GLB1L3: variants seen among roughly 807,000 people sequenced by gnomAD.
GLB1L3 encodes the protein beta-galactosidase-1-like protein 3.
Under a neutral mutation model 89.5 loss-of-function variants are expected in GLB1L3, and 89 were observed. The ratio of observed to expected loss-of-function variants is 0.99; its 90% CI spans 0.84 to 1.19. GLB1L3 has a LOEUF of 1.19. Among genes scored for constraint, GLB1L3 ranks in the 50% most tolerant of loss-of-function variants. The probability of loss-of-function intolerance (pLI) is 0.00; values close to 1 mark genes in which losing one functional copy is unlikely to be tolerated. For missense variants in GLB1L3, 812 were observed against 813.3 expected (o/e 1.00, Z 0.02); for synonymous variants, 314 against 312.3 (o/e 1.01, Z -0.06).
intron 3 of GLB1L3, among the ~76,000 whole-genome samples, chr11:134,280,698 T>A (rs982535976): frequency 2.0e-5 from 3 of 152,132 alleles, no homozygotes; most frequent in Non-Finnish European, 4.4e-5. Flanking sequence ...GATTAGTATG[T>A]CTTCTTGGTG....
Position 134,276,778 on chromosome 11 carries a change from C to A in GLB1L3, c.23+15C>A. 7.0e-7 allele frequency: 1 copy of A among 1,436,262 alleles called. No homozygotes were observed. The highest frequency in any genetic ancestry group is 2.2e-4 in the Middle Eastern group (1 of 4,618). 89.0% of individuals were successfully genotyped at this position (1,436,262 alleles called of 1,614,324 possible). A position where few individuals can be genotyped will look rare whatever the true frequency, so the allele number is the denominator to read the frequency against. ...CCCCTCCTCAGGTGACGGATCGCCG[C>A]TGCCGTCCCGGGCTGCCCACCACCC... is the stretch of plus-strand genomic sequence containing the variant. On this transcript the variant is annotated intron_variant, in intron 1 of 19. Transcript: ENST00000431683.
chr11:134,275,894 A>C (rs1940351978), upstream of GLB1L3: 1 of 152,198 alleles, frequency 6.6e-6, no homozygotes, highest in African/African-American at 2.4e-5. Context: ...CGTTACCACC[A>C]CGAGCGCCTA....
intron 9 of GLB1L3, 65 bp from the exon 10 acceptor site, chr11:134,307,059 C>A: frequency 1.7e-6 from 2 of 1,162,602 alleles, no homozygotes; most frequent in Non-Finnish European, 1.3e-6. Flanking sequence ...CTATTGCATT[C>A]AGGTTTTCTG....
intron 4 of GLB1L3, 93 bp from the exon 5 acceptor site, chr11:134,281,932 C>T (rs923133489): frequency 9.5e-7 from 1 of 1,047,544 alleles, no homozygotes; most frequent in Non-Finnish European, 1.4e-6. Flanking sequence ...CTTCGCCCCA[C>T]CAGGCAGCTC....
chr11:134,316,745 A>G (rs941318878), intron 18 of GLB1L3: 1 of 152,228 alleles, frequency 6.6e-6, no homozygotes, highest in African/African-American at 2.4e-5. Context: ...GCTAGGAATT[A>G]TAAAATACCT....
chr11:134,290,574 C>A (rs565317450), intron 7 of GLB1L3, among the ~76,000 whole-genome samples: 1 of 111,520 alleles, frequency 9.0e-6, no homozygotes, highest in East Asian at 2.1e-4. Flanking sequence ...CTCGTCCCCC[C>A]CCGCCAAAAA....
rs1303390930 is a variant in GLB1L3, at chr11:134,318,955, A to AC, written c.*14dup. ...GCCCACGCTGTAAAACTGTGTCTGAACATTTTTTTTTTTTTTTGAGATGGA... is the reference window on the plus strand; with the variant it reads ...GCCCACGCTGTAAAACTGTGTCTGAACCATTTTTTTTTTTTTTTGAGATGGA... On this transcript the variant is annotated 3_prime_UTR_variant, in exon 20 of 20. Coordinates refer to ENST00000431683, the MANE Select transcript of GLB1L3 (RefSeq NM_001080407.3). 1.3e-6 allele frequency: 2 copies of AC among 1,518,398 alleles called. No individual in the cohort carries two copies. The highest frequency in any genetic ancestry group is 1.8e-6 in the Non-Finnish European group (2 of 1,139,016). 94.1% of individuals were successfully genotyped at this position (1,518,398 alleles called of 1,614,324 possible). A position where few individuals can be genotyped will look rare whatever the true frequency, so the allele number is the denominator to read the frequency against.
rs949117160 is a variant in GLB1L3 at position 134,286,702 on chromosome 11, G to A, written c.637-2096G>A. On this transcript the variant is annotated intron_variant, in intron 6 of 19. Transcript: ENST00000431683. ...TGAGGCAGGAGAATGACGTGAACCC[G>A]GGGGGCGGAGCTTGCAGGGAGCCAA... Among the ~76,000 whole-genome samples, 10 of 151,462 alleles carry A rather than the reference G, an allele frequency of 6.6e-5. No homozygotes were observed. In the East Asian group the frequency reaches 7.9e-4, roughly 12 times the overall value.
Position 134,318,883 on chromosome 11 carries a change from T to C in GLB1L3, c.1903T>C (p.Leu635=). 6.2e-7 allele frequency: 1 copy of C among 1,613,526 alleles called. No individual in the cohort carries two copies. Among genetic ancestry groups the C allele is most frequent in the Non-Finnish European group, 8.5e-7 (1 of 1,179,446 alleles). Residue 635 remains leucine (L), a synonymous_variant, in exon 20 of 20, where the codon TTG becomes CTG. Coordinates refer to ENST00000431683, the MANE Select transcript of GLB1L3 (RefSeq NM_001080407.3). ...ACCTTTCTTTTCTTCTCAGGTCATCTTGTTTGAGAAGATGATGAGTGGCTC... is the reference window on the plus strand; with the variant it reads ...ACCTTTCTTTTCTTCTCAGGTCATCCTGTTTGAGAAGATGATGAGTGGCTC... ...WLHPEDNEVI[L]FEKMMSGSDI... is the part of the protein sequence containing the mutation.
At chr11:134,310,494 C>T (rs543071860) in intron 11 of GLB1L3, 77 bp from the exon 12 acceptor site, 2 of 1,103,578 alleles carry the variant, frequency 1.8e-6, no homozygotes, top group African/African-American at 1.5e-5. Context: ...TGGCCCTGGC[C>T]ATCTCCTGCC....
chr11:134,308,628 T>TCACCACCAC, intron 10 of GLB1L3, among the ~76,000 whole-genome samples: 1 of 96,974 alleles, frequency 1.0e-5, no homozygotes, highest in Non-Finnish European at 2.2e-5. Context: ...ATCACCACCA[T>TCACCACCAC]CACCATCAAC....
At chr11:134,306,982 A>G in intron 9 of GLB1L3, 142 bp from the exon 10 acceptor site, 1 of 597,396 alleles carries the variant, frequency 1.7e-6, no homozygotes. Context: ...GGGAAGAAAT[A>G]CTGGATCAAA....
rs1591586899 is a variant in GLB1L3 at position 134,311,094 on chromosome 11, C to T, written c.1211C>T (p.Pro404Leu). ...CCCCTGCCCCGAGTACCCAAACTTC[C>T]TCCCAAGGCTGTGTATCCCCCCGTG... The part of the protein sequence containing the change: ...ATPLPRVPKL[P>L]PKAVYPPVRP... Residue 404 changes from proline (P) to leucine (L), a missense_variant, in exon 13 of 20, where the codon CCT becomes CTT. Physicochemically the swap from Pro to Leu is moderately conservative, Grantham distance 98. Around this residue, in one of 3 missense-constraint regions of GLB1L3, gnomAD observed 618 missense variants for 604.0 expected, o/e 1.02. Coordinates refer to ENST00000431683, the MANE Select transcript of GLB1L3 (RefSeq NM_001080407.3). 3.1e-6 allele frequency: 5 copies of T among 1,613,894 alleles called. No individual in the cohort carries two copies. The highest frequency in any genetic ancestry group is 4.2e-6 in the Non-Finnish European group (5 of 1,179,850).
At chr11:134,313,548 G>T in intron 16 of GLB1L3, 74 bp downstream of exon 16, 1 of 1,241,650 alleles carries the variant, frequency 8.1e-7, no homozygotes, top group African/African-American at 1.5e-5. Flanking sequence ...GTCGGGGGCG[G>T]GAGAGGGTGG....
chr11:134,308,556 T>TCATCACCATCACCTC lies in GLB1L3; in HGVS notation c.962-1068_962-1067insTCACCATCACCTCCA, dbSNP rs1942512096. 1.2e-4 allele frequency among the ~76,000 whole-genome samples: 7 copies of TCATCACCATCACCTC among 57,522 alleles called. 1 individual carries two copies. Among genetic ancestry groups the TCATCACCATCACCTC allele is most frequent in the Non-Finnish European group, 1.2e-4 (4 of 32,322 alleles). The allele number at this position is 57,522 out of a possible 152,430, so 37.7% of individuals were successfully genotyped here. On this transcript the variant is annotated intron_variant, in intron 10 of 19. Coordinates refer to ENST00000431683, the MANE Select transcript of GLB1L3 (RefSeq NM_001080407.3). ...ACTACCACCACCATCACCATCACCA[T>TCATCACCATCACCTC]CACCACCACCACCACCATCACCATC... is the stretch of plus-strand genomic sequence containing the variant.
chr11:134,310,706 T>G, intron 12 of GLB1L3, 55 bp downstream of exon 12: 1 of 1,397,916 alleles, frequency 7.2e-7, no homozygotes, highest in Non-Finnish European at 1.0e-6. Context: ...GAGTCTCTGT[T>G]CTGTGGAAAA....
chr11:134,283,632 G>A lies in GLB1L3; in HGVS notation c.528-105G>A, dbSNP rs888138557. On this transcript the variant is annotated intron_variant, in intron 5 of 19. Coordinates refer to ENST00000431683, the MANE Select transcript of GLB1L3 (RefSeq NM_001080407.3). ...CCGAGTGCTCCGGGACCGGGGGTGTGAGGCAGCTGGGCAGATGTGCGGCGA... is the reference window on the plus strand; with the variant it reads ...CCGAGTGCTCCGGGACCGGGGGTGTAAGGCAGCTGGGCAGATGTGCGGCGA... The A allele has an allele frequency of 4.3e-5, 27 of 630,394 alleles. No individual in the cohort carries two copies. The African/African-American group carries it at 4.4e-4, about 10-fold the overall frequency. The allele number at this position is 630,394 out of a possible 1,614,324, so 39.1% of individuals were successfully genotyped here. A position where few individuals can be genotyped will look rare whatever the true frequency, so the allele number is the denominator to read the frequency against.
rs187185678 is a variant in GLB1L3, at chr11:134,306,043, T to C, written c.877-1081T>C. Among the ~76,000 whole-genome samples, 229 of 152,204 alleles carry C rather than the reference T, an allele frequency of 1.5e-3. 1 individual carries two copies. Among genetic ancestry groups the C allele is most frequent in the African/African-American group, 4.9e-3 (203 of 41,530 alleles). On this transcript the variant is annotated intron_variant, in intron 9 of 19. Coordinates refer to ENST00000431683, the MANE Select transcript of GLB1L3 (RefSeq NM_001080407.3). ...ACAAAGAGCATGGAGGAAAGGAAATTGCAAATAACATAAGAATTTCCTTTA... is the reference window on the plus strand; with the variant it reads ...ACAAAGAGCATGGAGGAAAGGAAATCGCAAATAACATAAGAATTTCCTTTA...
chr11:134,282,851 T>C (rs1940772796), intron 5 of GLB1L3, among the ~76,000 whole-genome samples: 1 of 152,138 alleles, frequency 6.6e-6, no homozygotes, highest in Non-Finnish European at 1.5e-5. Context: ...TCTTTGCTTT[T>C]CTCCAGGGGC....
Sources: gnomAD v4.1 joint callset for allele counts (sites outside exome capture counted in the v4.1 genomes callset) on GRCh38, gnomAD v4.1.1 for gene constraint, gnomAD v4.1.1 regional missense constraint, MANE v1.5 for transcripts, NCBI Gene and HGNC (gene_info 2026-07-23, HGNC 2026-07-21) for gene names.